The following MICU1 variants were observed in gnomAD, a reference collection of about 807,000 sequenced individuals.
The protein encoded by MICU1 is mitochondrial calcium uptake 1, also known as calcium uptake protein 1, mitochondrial.
Under a neutral mutation model 56.8 loss-of-function variants are expected in MICU1, and 45 were observed. That is an observed-to-expected ratio of 0.79 (90% confidence interval 0.62 to 1.02). The LOEUF (loss-of-function observed/expected upper bound fraction) is 1.02. Among genes scored for constraint, MICU1 ranks in the 50% least tolerant of loss-of-function variants. MICU1 has a pLI of 0.00. For missense variants in MICU1, 504 were observed against 587.1 expected (o/e 0.86, Z 1.46); for synonymous variants, 186 against 195.1 (o/e 0.95, Z 0.39).
Position 72,452,765 on chromosome 10 carries a change from G to A in MICU1, c.933+22335C>T, listed in dbSNP as rs574307802. Reference sequence around the variant, plus strand: ...TCCCCATCGCTAGGCAATGCATACTGTATTTGAAGCTATCTCATAAATAGG... The same window carrying A: ...TCCCCATCGCTAGGCAATGCATACTATATTTGAAGCTATCTCATAAATAGG... On this transcript the variant is annotated intron_variant, in intron 8 of 11. Coordinates refer to ENST00000361114, the MANE Select transcript of MICU1 (RefSeq NM_001195518.2). Among the ~76,000 whole-genome samples, 58 of 152,020 alleles carry A rather than the reference G, an allele frequency of 3.8e-4. No homozygotes were observed. The South Asian group carries it at 0.011, about 30-fold the overall frequency.
At chr10:72,447,604 T>G (rs974724089) in intron 8 of MICU1, among the ~76,000 whole-genome samples, 2 of 152,094 alleles carry the variant, frequency 1.3e-5, no homozygotes, top group Non-Finnish European at 2.9e-5. Context: ...AGTTACTACT[T>G]GAAGTTTTCT....
At chr10:72,531,749 A>T (rs1839490144) in intron 5 of MICU1, 1 of 151,898 alleles carries the variant, frequency 6.6e-6, no homozygotes, top group Non-Finnish European at 1.5e-5. Context: ...AGAAAGAAAA[A>T]TGAAAAGACT....
rs35225891 is a variant in MICU1 at position 72,468,294 on chromosome 10, C to CT, written c.933+6805dup. Among the ~76,000 whole-genome samples the CT allele has an allele frequency of 1.9e-3, 265 of 136,656 alleles. 1 individual carries two copies. The highest frequency in any genetic ancestry group is 0.018 in the East Asian group (87 of 4,796). The allele number at this position is 136,656 out of a possible 152,430, so 89.7% of individuals were successfully genotyped here. ...TCTTTCTTCTACAAATTAGTTTTTGCTTTTTTTTTTTTTTTTGATATGACA... is the reference window on the plus strand; with the variant it reads ...TCTTTCTTCTACAAATTAGTTTTTGCTTTTTTTTTTTTTTTTTGATATGACA... On this transcript the variant is annotated intron_variant, in intron 8 of 11. Transcript: ENST00000361114.
chr10:72,516,650 T>C (rs1867654498), intron 5 of MICU1, among the ~76,000 whole-genome samples: 1 of 152,220 alleles, frequency 6.6e-6, no homozygotes, highest in Non-Finnish European at 1.5e-5. Flanking sequence ...GTTTTCTGCA[T>C]ATGGCTAGTC....
intron 9 of MICU1, among the ~76,000 whole-genome samples, chr10:72,421,842 G>A (rs1035216474): frequency 6.6e-6 from 1 of 152,088 alleles, no homozygotes; most frequent in African/African-American, 2.4e-5. Flanking sequence ...ATTTAATGGC[G>A]TTCCATTGCA....
intron 8 of MICU1, among the ~76,000 whole-genome samples, chr10:72,456,945 A>AGGTGTGTGTGTGTGGG (rs1491127980): frequency 4.4e-5 from 3 of 67,806 alleles, no homozygotes; most frequent in Admixed American, 1.5e-4. Flanking sequence ...TATATTGCCC[A>AGGTGTGTGTGTGTGGG]GGTGTGTGTG....
chr10:72,524,015 T>A (rs1042261332), intron 5 of MICU1: 113 of 1,250,516 alleles, frequency 9.0e-5, no homozygotes, highest in Middle Eastern at 6.7e-4. Flanking sequence ...TTGTATTTAT[T>A]ATGTAAGAAA....
chr10:72,473,936 A>C (rs1866025191), intron 8 of MICU1, among the ~76,000 whole-genome samples: 2 of 152,052 alleles, frequency 1.3e-5, no homozygotes, highest in Admixed American at 1.3e-4. Flanking sequence ...GAAATTCCAA[A>C]TAATATTAAG....
At chr10:72,546,302 T>G (rs1839892348) in intron 4 of MICU1, among the ~76,000 whole-genome samples, 1 of 152,226 alleles carries the variant, frequency 6.6e-6, no homozygotes, top group East Asian at 1.9e-4. Context: ...TTATATATTT[T>G]AAGTTCAGCC....
At chr10:72,498,086 C>G (rs1866905601) in intron 6 of MICU1, among the ~76,000 whole-genome samples, 1 of 152,138 alleles carries the variant, frequency 6.6e-6, no homozygotes, top group African/African-American at 2.4e-5. Flanking sequence ...TTAATGTGAA[C>G]ATTGCTTTTA....
At chr10:72,393,350 T>C (rs60963156) in intron 10 of MICU1, among the ~76,000 whole-genome samples, 4,151 of 152,242 alleles carry the variant, frequency 0.027, 181 homozygotes, top group African/African-American at 0.096. Context: ...GGAACTACTT[T>C]AGAATGAAAA....
At chr10:72,418,837 G>A (rs1864067426) in intron 9 of MICU1, among the ~76,000 whole-genome samples, 1 of 152,174 alleles carries the variant, frequency 6.6e-6, no homozygotes, top group Non-Finnish European at 1.5e-5. Flanking sequence ...AGGAGCAAAG[G>A]CCCTTCCTTG....
At chr10:72,431,658 T>C (rs1864535999) in intron 8 of MICU1, among the ~76,000 whole-genome samples, 1 of 152,190 alleles carries the variant, frequency 6.6e-6, no homozygotes, top group Admixed American at 6.5e-5. Context: ...TTATCAGCTA[T>C]GTATAAGAGT....
chr10:72,394,923 G>A (rs1863196429), intron 10 of MICU1, among the ~76,000 whole-genome samples: 1 of 152,182 alleles, frequency 6.6e-6, no homozygotes, highest in East Asian at 1.9e-4. Context: ...GCTCACGCCT[G>A]TAATCCCAGC....
intron 10 of MICU1, among the ~76,000 whole-genome samples, chr10:72,388,477 C>T (rs941943824): frequency 1.3e-5 from 2 of 152,104 alleles, no homozygotes; most frequent in Admixed American, 6.6e-5. Context: ...GGACAAGAAG[C>T]TAGATTAGAC....
chr10:72,503,437 G>A (rs1052709314), intron 6 of MICU1, among the ~76,000 whole-genome samples: 1 of 152,128 alleles, frequency 6.6e-6, no homozygotes, highest in African/African-American at 2.4e-5. Context: ...TCATAGCTGG[G>A]GGAGGGTGTA....
intron 5 of MICU1, among the ~76,000 whole-genome samples, chr10:72,515,027 A>G (rs1229302582): frequency 6.6e-6 from 1 of 152,172 alleles, no homozygotes; most frequent in African/African-American, 2.4e-5. Flanking sequence ...AACAAAGGCA[A>G]GCCTCAAAGC....
intron 11 of MICU1, among the ~76,000 whole-genome samples, chr10:72,374,808 C>CTTTTTTTTT (rs34228174): frequency 2.6e-5 from 2 of 77,206 alleles, no homozygotes; most frequent in African/African-American, 1.0e-4. Flanking sequence ...CTACTATTAT[C>CTTTTTTTTT]TTTTTTTTTT....
intron 8 of MICU1, among the ~76,000 whole-genome samples, chr10:72,448,193 A>ATTTTTTTTTTTTT (rs71018289): frequency 5.4e-5 from 2 of 36,834 alleles, no homozygotes; most frequent in Non-Finnish European, 9.4e-5. Flanking sequence ...ATATATATAT[A>ATTTTTTTTTTTTT]TTTTTTTTTT....
Sources: allele counts gnomAD v4.1 joint callset (sites outside exome capture counted in the v4.1 genomes callset), GRCh38; gene constraint gnomAD v4.1.1; transcripts MANE v1.5; gene names NCBI Gene and HGNC (gene_info 2026-07-23, HGNC 2026-07-21).